The following CHKA variants were observed in gnomAD, a reference collection of about 807,000 sequenced individuals.
The protein encoded by CHKA is CHETK-alpha.
CHKA carries 34 observed loss-of-function variants against 60.1 expected under a neutral mutation model. The ratio of observed to expected loss-of-function variants is 0.57; its 90% CI spans 0.43 to 0.75. CHKA has a LOEUF of 0.75. Among genes scored for constraint, CHKA ranks in the 30% least tolerant of loss-of-function variants. CHKA has a pLI of 0.00. For missense variants in CHKA, 563 were observed against 561.3 expected, an observed-to-expected ratio of 1.00 and a Z score of -0.03; for synonymous variants, 217 against 223.1, an observed-to-expected ratio of 0.97 and a Z score of 0.24.
At chr11:68,060,177 A>G (rs1451556365) in intron 11 of CHKA, among the ~76,000 whole-genome samples, 3 of 149,166 alleles carry the variant, frequency 2.0e-5, no homozygotes, top group Non-Finnish European at 4.4e-5. Context: ...ACAGGCACCC[A>G]CCAACAGGCC....
intron 9 of CHKA, 74 bp from the exon 10 acceptor site, chr11:68,064,705 T>C (rs1856381466): frequency 3.6e-6 from 3 of 833,354 alleles, no homozygotes; most frequent in Non-Finnish European, 5.9e-6. Flanking sequence ...ACTAAGCATA[T>C]GCATCTACTG....
chr11:68,070,396 G>T, intron 5 of CHKA, 103 bp from the exon 6 acceptor site: 1 of 884,318 alleles, frequency 1.1e-6, no homozygotes, highest in Non-Finnish European at 1.8e-6. Context: ...TCCCAGCGCA[G>T]TCACAATGCC....
intron 4 of CHKA, among the ~76,000 whole-genome samples, chr11:68,072,800 C>T (rs1200794909): frequency 1.3e-5 from 2 of 151,936 alleles, no homozygotes; most frequent in Non-Finnish European, 2.9e-5. Context: ...TCAAGACCAG[C>T]CAGGGTAACA....
chr11:68,103,515 G>A (rs1245095798), intron 1 of CHKA, among the ~76,000 whole-genome samples: 1 of 152,086 alleles, frequency 6.6e-6, no homozygotes, highest in Non-Finnish European at 1.5e-5. Context: ...TGATGGCAAT[G>A]TAAGTTAGTA....
At chr11:68,113,107 A>AAAAAAAAG (rs1858236918) in intron 1 of CHKA, among the ~76,000 whole-genome samples, 1 of 145,972 alleles carries the variant, frequency 6.9e-6, no homozygotes, top group African/African-American at 2.5e-5. Flanking sequence ...AAAAAAAAAA[A>AAAAAAAAG]AAAGAAGCTG....
chr11:68,079,148 G>A (rs1252749078), intron 3 of CHKA, among the ~76,000 whole-genome samples: 1 of 151,922 alleles, frequency 6.6e-6, no homozygotes, highest in Non-Finnish European at 1.5e-5. Flanking sequence ...TGGCCAAGCT[G>A]GTCTCAAACT....
Position 68,053,851 on chromosome 11 carries a change from G to T in CHKA, c.*137C>A. The T allele has an allele frequency of 1.6e-6, 1 of 611,692 alleles. No homozygotes were observed. The highest frequency in any genetic ancestry group is 3.0e-6 in the Non-Finnish European group (1 of 338,590). 37.9% of individuals were successfully genotyped at this position (611,692 alleles called of 1,614,324 possible). On this transcript the variant is annotated 3_prime_UTR_variant, in exon 12 of 12. Transcript: ENST00000265689. ...TCGCTCCATTTTAATACCGTCTTTA[G>T]TATCATACACATGTGTTCAGTAGTG...
rs766199449 is a variant in CHKA at position 68,064,481 on chromosome 11, A to G, written c.1232+44T>C. 3 of 993,242 alleles carry G rather than the reference A, an allele frequency of 3.0e-6. No homozygotes were observed. In the Admixed American group the frequency reaches 7.2e-5, roughly 24 times the overall value. 61.5% of individuals were successfully genotyped at this position (993,242 alleles called of 1,614,324 possible). A position where few individuals can be genotyped will look rare whatever the true frequency, so the allele number is the denominator to read the frequency against. On this transcript the variant is annotated intron_variant, in intron 10 of 11. Transcript: ENST00000265689. ...CAGCATCTCCCAAATATAGTCTATA[A>G]AGAGGAAAGCTATCTTTACAAATCA... is the stretch of plus-strand genomic sequence containing the variant.
chr11:68,076,283 G>A (rs553044635), intron 3 of CHKA, among the ~76,000 whole-genome samples: 15 of 152,130 alleles, frequency 9.9e-5, no homozygotes, highest in African/African-American at 1.9e-4. Context: ...ATTTTAGGGT[G>A]GGATTTGATA....
rs897557080 is a variant in CHKA at position 68,070,438 on chromosome 11, G to A, written c.765-145C>T. 8.4e-6 allele frequency: 6 copies of A among 713,590 alleles called. No homozygotes were observed. The African/African-American group carries it at 8.9e-5, about 11-fold the overall frequency. 44.2% of individuals were successfully genotyped at this position (713,590 alleles called of 1,614,324 possible). ...ACCCCTCTGACTGCCATGACTGAGGGGAAGAGGAGTGGCCTTGGGGGTTCG... is the reference window on the plus strand; with the variant it reads ...ACCCCTCTGACTGCCATGACTGAGGAGAAGAGGAGTGGCCTTGGGGGTTCG... On this transcript the variant is annotated intron_variant, in intron 5 of 11. Coordinates refer to ENST00000265689, the MANE Select transcript of CHKA (RefSeq NM_001277.3).
At position 68,096,637 on chromosome 11, in the gene CHKA, C is replaced by A. The variant is rs1857525134; in HGVS notation, c.462+382G>T. Among the ~76,000 whole-genome samples, 7 of 152,116 alleles carry A rather than the reference C, an allele frequency of 4.6e-5. No individual in the cohort carries two copies. In the South Asian group the frequency reaches 1.4e-3, roughly 31 times the overall value. ...GTTAACTGGGACTATCCTCTAAAAT[C>A]TTTTGGATAATGTTATAAAAACAAT... On this transcript the variant is annotated intron_variant, in intron 2 of 11. Transcript: ENST00000265689.
At chr11:68,070,653 T>C in intron 5 of CHKA, 71 bp downstream of exon 5, 5 of 1,525,112 alleles carry the variant, frequency 3.3e-6, no homozygotes, top group South Asian at 1.2e-5. Flanking sequence ...GGCAAACAAA[T>C]GCTCACTTAT....
chr11:68,119,754 C>A (rs1858537388), intron 1 of CHKA, among the ~76,000 whole-genome samples: 1 of 152,156 alleles, frequency 6.6e-6, no homozygotes, highest in Non-Finnish European at 1.5e-5. Flanking sequence ...AGGCGTGAGC[C>A]ACTGCGCCCG....
intron 7 of CHKA, 48 bp from the exon 8 acceptor site, chr11:68,066,564 C>T: frequency 7.1e-7 from 1 of 1,413,292 alleles, no homozygotes; most frequent in East Asian, 2.3e-5. Flanking sequence ...ATAGAAGGCT[C>T]AAGTCCTTGA....
At chr11:68,120,390 C>G (rs1858578562) in intron 1 of CHKA, among the ~76,000 whole-genome samples, 1 of 152,178 alleles carries the variant, frequency 6.6e-6, no homozygotes, top group African/African-American at 2.4e-5. Context: ...AACAAGACAT[C>G]AAATCGCGAA....
intron 3 of CHKA, among the ~76,000 whole-genome samples, chr11:68,076,610 G>C (rs887409761): frequency 2.0e-5 from 3 of 152,024 alleles, no homozygotes; most frequent in Non-Finnish European, 4.4e-5. Context: ...AGTAAACAGG[G>C]GCTGGGCATG....
intron 1 of CHKA, among the ~76,000 whole-genome samples, chr11:68,107,877 C>T (rs540944879): frequency 1.8e-4 from 27 of 152,140 alleles, no homozygotes; most frequent in African/African-American, 2.7e-4. Context: ...AGTCAATACT[C>T]GACAAAAAGA....
At chr11:68,079,627 G>A (rs1438623529) in intron 3 of CHKA, among the ~76,000 whole-genome samples, 25 of 152,132 alleles carry the variant, frequency 1.6e-4, no homozygotes, top group Admixed American at 1.6e-3. Context: ...ACCATGCCCG[G>A]CCTCTCTGTA....
intron 1 of CHKA, among the ~76,000 whole-genome samples, chr11:68,113,627 G>A (rs964535551): frequency 2.6e-5 from 4 of 152,024 alleles, no homozygotes; most frequent in African/African-American, 4.8e-5. Flanking sequence ...CCCGGGAGGC[G>A]GAGGTTGCAG....
Sources: gnomAD v4.1 joint callset for allele counts (sites outside exome capture counted in the v4.1 genomes callset) on GRCh38, gnomAD v4.1.1 for gene constraint, MANE v1.5 for transcripts, NCBI Gene and HGNC (gene_info 2026-07-23, HGNC 2026-07-21) for gene names.